The following SCARA5 variants were observed in gnomAD, a reference collection of about 807,000 sequenced individuals.
The protein encoded by SCARA5 is scavenger receptor class A member 5.
Under a neutral mutation model 46.3 loss-of-function variants are expected in SCARA5, and 45 were observed. The ratio of observed to expected loss-of-function variants is 0.97; its 90% CI spans 0.76 to 1.24. SCARA5 has a LOEUF of 1.24. SCARA5 is among the 50% of genes most tolerant of loss of function. The probability of loss-of-function intolerance (pLI) is 0.00; values close to 1 mark genes in which losing one functional copy is unlikely to be tolerated. For missense variants in SCARA5, 680 were observed against 689.0 expected (o/e 0.99, Z 0.15); for synonymous variants, 333 against 306.5 (o/e 1.09, Z -0.90).
intron 2 of SCARA5, among the ~76,000 whole-genome samples, chr8:27,977,408 C>T (rs1808542241): frequency 6.6e-6 from 1 of 152,204 alleles, no homozygotes; most frequent in Non-Finnish European, 1.5e-5. Context: ...CTGAAACCTT[C>T]CTGCATCTGC....
chr8:27,875,768 G>A (rs145704533), intron 8 of SCARA5, among the ~76,000 whole-genome samples: 16 of 152,272 alleles, frequency 1.1e-4, no homozygotes, highest in African/African-American at 1.4e-4. Flanking sequence ...CCAGGCACTC[G>A]TTTTAGAAAG....
chr8:27,940,604 A>G (rs1807927027), intron 3 of SCARA5, among the ~76,000 whole-genome samples: 1 of 151,632 alleles, frequency 6.6e-6, no homozygotes, highest in Non-Finnish European at 1.5e-5. Flanking sequence ...TTAGGTACCC[A>G]CTCACCCACC....
At chr8:27,932,448 A>T (rs1807790670) in intron 3 of SCARA5, among the ~76,000 whole-genome samples, 1 of 152,200 alleles carries the variant, frequency 6.6e-6, no homozygotes, top group African/African-American at 2.4e-5. Context: ...CTGTAATAGG[A>T]TACCACAGAC....
At chr8:27,923,935 A>G (rs899917400) in intron 3 of SCARA5, among the ~76,000 whole-genome samples, 5 of 151,640 alleles carry the variant, frequency 3.3e-5, no homozygotes, top group Non-Finnish European at 7.4e-5. Context: ...GTGATCCCCC[A>G]CCCCTTCCTC....
At chr8:27,973,883 T>C (rs1397587831) in intron 2 of SCARA5, among the ~76,000 whole-genome samples, 1 of 152,218 alleles carries the variant, frequency 6.6e-6, no homozygotes, top group Admixed American at 6.5e-5. Context: ...TGGGGTTGTA[T>C]CAAAAGATTG....
chr8:27,954,098 C>A (rs1436940362), intron 3 of SCARA5, among the ~76,000 whole-genome samples: 1 of 152,204 alleles, frequency 6.6e-6, no homozygotes, highest in African/African-American at 2.4e-5. Context: ...ACTGTATTGT[C>A]ACCCTGTCTC....
chr8:27,962,618 G>C (rs1021298310), intron 3 of SCARA5, among the ~76,000 whole-genome samples: 9 of 152,220 alleles, frequency 5.9e-5, no homozygotes, highest in African/African-American at 2.2e-4. Flanking sequence ...TCCAGGGACA[G>C]ACCTGCTTGA....
intron 7 of SCARA5, among the ~76,000 whole-genome samples, chr8:27,881,343 A>G (rs1389662824): frequency 6.6e-6 from 1 of 152,252 alleles, no homozygotes; most frequent in Non-Finnish European, 1.5e-5. Flanking sequence ...GTACATATAC[A>G]TATACACCAT....
intron 7 of SCARA5, among the ~76,000 whole-genome samples, chr8:27,903,008 G>A (rs967424953): frequency 6.6e-6 from 1 of 152,218 alleles, no homozygotes; most frequent in African/African-American, 2.4e-5. Flanking sequence ...ACAAGGTGCT[G>A]TCACCTGCCT....
At chr8:27,931,905 C>T (rs985175490) in intron 3 of SCARA5, among the ~76,000 whole-genome samples, 11 of 152,220 alleles carry the variant, frequency 7.2e-5, no homozygotes, top group South Asian at 4.2e-4. Flanking sequence ...CCACTCGCCT[C>T]GGCCTCCCAA....
intron 3 of SCARA5, among the ~76,000 whole-genome samples, chr8:27,927,393 G>C (rs1418426102): frequency 6.6e-6 from 1 of 152,066 alleles, no homozygotes; most frequent in Non-Finnish European, 1.5e-5. Flanking sequence ...CCTAAACAAG[G>C]GAAAATTCTT....
intron 3 of SCARA5, among the ~76,000 whole-genome samples, chr8:27,930,416 T>G (rs1049147006): frequency 3.3e-5 from 5 of 152,152 alleles, no homozygotes; most frequent in Admixed American, 3.3e-4. Context: ...CTTTTTTTTT[T>G]TTTGAGACGG....
intron 2 of SCARA5, among the ~76,000 whole-genome samples, chr8:27,976,996 C>T (rs1275593264): frequency 2.0e-5 from 3 of 152,236 alleles, no homozygotes; most frequent in Non-Finnish European, 4.4e-5. Flanking sequence ...GTACCACAGC[C>T]AGGGTGGCTC....
chr8:27,888,637 C>A (rs1806934707), intron 7 of SCARA5, among the ~76,000 whole-genome samples: 1 of 152,252 alleles, frequency 6.6e-6, no homozygotes, highest in African/African-American at 2.4e-5. Flanking sequence ...AAACACCATG[C>A]TTCCTCCCAC....
At chr8:27,875,892 T>C (rs1290867559) in intron 8 of SCARA5, among the ~76,000 whole-genome samples, 1 of 152,124 alleles carries the variant, frequency 6.6e-6, no homozygotes, top group African/African-American at 2.4e-5. Context: ...TCCCAGCTAC[T>C]CAGGAGGCTG....
chr8:27,935,689 C>G (rs982781541), intron 3 of SCARA5, among the ~76,000 whole-genome samples: 4 of 152,230 alleles, frequency 2.6e-5, no homozygotes, highest in Admixed American at 2.0e-4. Context: ...CGGGAGCACT[C>G]CCAGATCCCT....
intron 2 of SCARA5, among the ~76,000 whole-genome samples, chr8:27,979,303 T>C (rs1808578958): frequency 6.6e-6 from 1 of 152,184 alleles, no homozygotes; most frequent in Non-Finnish European, 1.5e-5. Flanking sequence ...GAAGCAGACA[T>C]ACTGAAGGGA....
chr8:27,903,987 C>G (rs1807207265), intron 7 of SCARA5, among the ~76,000 whole-genome samples: 1 of 151,180 alleles, frequency 6.6e-6, no homozygotes, highest in Non-Finnish European at 1.5e-5. Context: ...CTAGGAGACT[C>G]TGTTCATTCT....
intron 5 of SCARA5, among the ~76,000 whole-genome samples, chr8:27,908,182 G>A (rs900302701): frequency 3.9e-5 from 6 of 151,934 alleles, no homozygotes; most frequent in Admixed American, 6.6e-5. Context: ...GTAGCTTCTC[G>A]TTTTATTTAA....
Sources: allele counts gnomAD v4.1 joint callset (sites outside exome capture counted in the v4.1 genomes callset), GRCh38; gene constraint gnomAD v4.1.1; transcripts MANE v1.5; gene names NCBI Gene and HGNC (gene_info 2026-07-23, HGNC 2026-07-21).